Variants in PCDHGA5 observed in about 807,000 individuals in gnomAD.
PCDHGA5 encodes protocadherin gamma subfamily A, 5.
PCDHGA5 carries 36 observed loss-of-function variants against 56.7 expected under a neutral mutation model. The ratio of observed to expected loss-of-function variants is 0.64; its 90% CI spans 0.49 to 0.84. The LOEUF (loss-of-function observed/expected upper bound fraction) is 0.84. Ranked by LOEUF, PCDHGA5 falls within the 40% of genes least tolerant of loss-of-function variation. PCDHGA5 has a pLI of 0.00. For missense variants in PCDHGA5, 1,305 were observed against 1,201.5 expected (o/e 1.09, Z -1.27); for synonymous variants, 563 against 520.2 (o/e 1.08, Z -1.12).
chr5:141,493,140 C>T lies in PCDHGA5; in HGVS notation c.2422-1667C>T, dbSNP rs2099746336. Among the ~76,000 whole-genome samples, 1 of 146,374 alleles carries T rather than the reference C, an allele frequency of 6.8e-6. No homozygotes were observed. Among genetic ancestry groups the T allele is most frequent in the African/African-American group, 2.5e-5 (1 of 40,746 alleles). ...GCTCCTAGGACTGTATTTTGAAACACCCCCAGGTGATTTTGATAGCTGATT... is the reference window on the plus strand; with the variant it reads ...GCTCCTAGGACTGTATTTTGAAACATCCCCAGGTGATTTTGATAGCTGATT... On this transcript the variant is annotated intron_variant, in intron 1 of 3. Transcript: ENST00000518069. This position sits in a 1 kb window ranked among gnomAD's most constrained non-coding sequence, Gnocchi z 4.3.
chr5:141,382,899 T>A, intron 1 of PCDHGA5: 1 of 1,541,826 alleles, frequency 6.5e-7, no homozygotes. Context: ...GCAGGACGAC[T>A]ATGGCGGCTC....
chr5:141,427,483 A>G lies in PCDHGA5; in HGVS notation c.2421+60732A>G, dbSNP rs759092057. The G allele has an allele frequency of 1.5e-4, 79 of 535,350 alleles. 2 individuals carry two copies. The highest frequency in any genetic ancestry group is 1.1e-3 in the South Asian group (73 of 65,268). 33.2% of individuals were successfully genotyped at this position (535,350 alleles called of 1,614,324 possible). ...ATCGAATCTTCCGCCAATAATGACT[A>G]TAAGCTTGTAACAGATGGGACCCTG... On this transcript the variant is annotated intron_variant, in intron 1 of 3. Coordinates refer to ENST00000518069, the MANE Select transcript of PCDHGA5 (RefSeq NM_018918.3).
intron 1 of PCDHGA5, chr5:141,399,718 C>G (rs770212703): frequency 6.2e-7 from 1 of 1,613,308 alleles, no homozygotes; most frequent in Non-Finnish European, 8.5e-7. Context: ...ACTACAGGCC[C>G]GCGACCAGGG....
At chr5:141,388,940 C>A (rs762814414) in intron 1 of PCDHGA5, 1 of 1,613,966 alleles carries the variant, frequency 6.2e-7, no homozygotes, top group South Asian at 1.1e-5. Context: ...CTCTACCCAA[C>A]CTAATTATGG....
chr5:141,375,785 C>G, intron 1 of PCDHGA5: 1 of 1,614,256 alleles, frequency 6.2e-7, no homozygotes, highest in Non-Finnish European at 8.5e-7. Context: ...CCCCGCCCTC[C>G]CCACAGACGG....
chr5:141,394,868 C>A, intron 1 of PCDHGA5: 1 of 1,613,828 alleles, frequency 6.2e-7, no homozygotes, highest in Non-Finnish European at 8.5e-7. Flanking sequence ...TCGACCCGAA[C>A]GATTCGAGCC....
At position 141,422,526 on chromosome 5, in the gene PCDHGA5, G is replaced by A. The variant is rs956066609; in HGVS notation, c.2421+55775G>A. 9 of 1,613,866 alleles carry A rather than the reference G, an allele frequency of 5.6e-6. No homozygotes were observed. In the African/African-American group the frequency reaches 1.1e-4, roughly 19 times the overall value. The stretch of plus-strand genomic sequence containing the variant: ...CCACAGACCAGGGAAGCCCGCCTTT[G>A]TCTGCAGAAACTCATGTCTGGCTGA... On this transcript the variant is annotated intron_variant, in intron 1 of 3. Coordinates refer to ENST00000518069, the MANE Select transcript of PCDHGA5 (RefSeq NM_018918.3).
At position 141,431,424 on chromosome 5, in the gene PCDHGA5, G is replaced by A; in HGVS notation, c.2422-63383G>A. The A allele has an allele frequency of 1.9e-6, 3 of 1,613,676 alleles. No individual in the cohort carries two copies. The highest frequency in any genetic ancestry group is 2.5e-6 in the Non-Finnish European group (3 of 1,180,028). On this transcript the variant is annotated intron_variant, in intron 1 of 3. Coordinates refer to ENST00000518069, the MANE Select transcript of PCDHGA5 (RefSeq NM_018918.3). The surrounding 1 kb of genome is among the most constrained non-coding windows in gnomAD (Gnocchi z 4.8). ...GCCTCCGACGGGGGCGACCCGGTGC[G>A]CACAGGCACCGCGCGCATCCGCGTG... is the stretch of plus-strand genomic sequence containing the variant.
In PCDHGA5 at chr5:141,485,985, T is replaced by C. The variant is rs748867624; in HGVS notation, c.2422-8822T>C. 5.6e-6 allele frequency: 9 copies of C among 1,614,086 alleles called. No homozygotes were observed. Among genetic ancestry groups the C allele is most frequent in the South Asian group, 5.5e-5 (5 of 91,094 alleles). On this transcript the variant is annotated intron_variant, in intron 1 of 3. Coordinates refer to ENST00000518069, the MANE Select transcript of PCDHGA5 (RefSeq NM_018918.3). The surrounding 1 kb of genome is among the most constrained non-coding windows in gnomAD (Gnocchi z 5.7). ...CAGCTCAATGCCTCAGACCCGGACC[T>C]GGGTCCCAGTGGTAACGTCACCTTT...
intron 1 of PCDHGA5, chr5:141,393,579 C>A: frequency 6.2e-7 from 1 of 1,613,888 alleles, no homozygotes; most frequent in South Asian, 1.1e-5. Flanking sequence ...TGAGAACATG[C>A]CCCCAGGCAC....
Position 141,490,652 on chromosome 5 carries a change from C to T in PCDHGA5, c.2422-4155C>T, listed in dbSNP as rs1277273880. The T allele has an allele frequency of 1.2e-6, 2 of 1,614,208 alleles. No individual in the cohort carries two copies. The highest frequency in any genetic ancestry group is 1.7e-6 in the Non-Finnish European group (2 of 1,180,026). On this transcript the variant is annotated intron_variant, in intron 1 of 3. Coordinates refer to ENST00000518069, the MANE Select transcript of PCDHGA5 (RefSeq NM_018918.3). The surrounding 1 kb of genome is among the most constrained non-coding windows in gnomAD (Gnocchi z 5.4). ...ATCCTAGAAAACCGGCCTCCGGGCT[C>T]CCTTCTTTGCACTGTGGCTGCCTCA...
chr5:141,433,208 CTTTT>C (rs745329085), intron 1 of PCDHGA5: 3 of 1,293,778 alleles, frequency 2.3e-6, no homozygotes, highest in African/African-American at 1.5e-5. Flanking sequence ...AATCTTCTTT[CTTTT>C]TTTTTTTTAA....
At chr5:141,447,209 G>A (rs1004956165) in intron 1 of PCDHGA5, among the ~76,000 whole-genome samples, 3 of 151,850 alleles carry the variant, frequency 2.0e-5, no homozygotes, top group East Asian at 3.9e-4. Context: ...GCTTGATCTC[G>A]GCTCACTGCA....
chr5:141,454,740 G>GAGGCC (rs2098797560), intron 1 of PCDHGA5, among the ~76,000 whole-genome samples: 1 of 147,160 alleles, frequency 6.8e-6, no homozygotes, highest in Non-Finnish European at 1.5e-5. Flanking sequence ...AGGATGAAAA[G>GAGGCC]AGGCCAAACT....
intron 1 of PCDHGA5, chr5:141,421,450 C>A (rs1193440607): frequency 2.5e-6 from 4 of 1,614,126 alleles, no homozygotes; most frequent in Non-Finnish European, 3.4e-6. Flanking sequence ...GAAGACACAG[C>A]TTTTCGCTGT....
intron 1 of PCDHGA5, chr5:141,400,083 C>T (rs1396687812): frequency 6.2e-7 from 1 of 1,614,048 alleles, no homozygotes; most frequent in Non-Finnish European, 8.5e-7. Context: ...CACTCTCCGC[C>T]ACCGCCACGC....
At chr5:141,504,995 G>A (rs1214858212) in intron 2 of PCDHGA5, among the ~76,000 whole-genome samples, 6 of 151,980 alleles carry the variant, frequency 3.9e-5, no homozygotes, top group African/African-American at 1.5e-4. Context: ...AACCCCGTCT[G>A]TACTAAAAAT....
intron 1 of PCDHGA5, among the ~76,000 whole-genome samples, chr5:141,386,754 C>T (rs1026748961): frequency 9.8e-5 from 15 of 152,302 alleles, no homozygotes; most frequent in Admixed American, 3.3e-4. Flanking sequence ...GGCAGAACTA[C>T]GGTTATAAGG....
Position 141,364,841 on chromosome 5 carries a change from C to A in PCDHGA5, c.511C>A (p.Gln171Lys). The change falls in exon 1 of 4, where the codon CAG becomes AAG. Residue 171 changes from glutamine (Q) to lysine (K), a missense_variant. Transcript: ENST00000518069. Reference protein sequence around the residue: ...DVGVNSLRSYQLSSNLHFSLD... With the variant: ...DVGVNSLRSYKLSSNLHFSLD... ...GGGTGTGAACTCTCTCCGGAGTTAC[C>A]AGCTCAGCTCCAATCTGCACTTCTC... The A allele has an allele frequency of 6.2e-7, 1 of 1,613,988 alleles. No individual in the cohort carries two copies. Among genetic ancestry groups the A allele is most frequent in the Non-Finnish European group, 8.5e-7 (1 of 1,179,886 alleles).
Sources: allele counts gnomAD v4.1 joint callset (sites outside exome capture counted in the v4.1 genomes callset), GRCh38; gene constraint gnomAD v4.1.1; non-coding constraint Gnocchi (gnomAD v3.1); transcripts MANE v1.5; gene names NCBI Gene and HGNC (gene_info 2026-07-23, HGNC 2026-07-21).